RBFOX1: variants seen among roughly 807,000 people sequenced by gnomAD.
The protein encoded by RBFOX1 is RNA binding fox-1 homolog 1, also known as RNA binding protein fox-1 homolog 1.
Under a neutral mutation model 57.7 loss-of-function variants are expected in RBFOX1, and 8 were observed. The observed-to-expected ratio is 0.14, with a 90% CI of 0.08 to 0.25. The LOEUF is 0.25. RBFOX1 is among the 10% of genes least tolerant of loss of function. RBFOX1 has a pLI of 1.00. For synonymous variants in RBFOX1, 326 were observed against 222.4 expected (o/e 1.47, Z -4.15); for missense variants, 611 against 548.5 (o/e 1.11, Z -1.14).
intron 1 of RBFOX1, among the ~76,000 whole-genome samples, chr16:5,256,503 G>A (rs895520470): frequency 1.3e-5 from 2 of 152,234 alleles, no homozygotes; most frequent in African/African-American, 4.8e-5. Context: ...GGACTGCTAG[G>A]AAGGCAAGAT....
At position 5,818,581 on chromosome 16, in the gene RBFOX1, C is replaced by G. The variant is rs145497712; in HGVS notation, c.319-48722C>G. Among the ~76,000 whole-genome samples, 11 of 152,310 alleles carry G rather than the reference C, an allele frequency of 7.2e-5. No homozygotes were observed. In the East Asian group the frequency reaches 1.9e-3, roughly 27 times the overall value. On this transcript the variant is annotated intron_variant, in intron 3 of 19. Coordinates refer to the RBFOX1 transcript ENST00000641259. ...GAGATGGTCTAAGTCCATTAATAAGCATTTTTTGAACAATATTTACTTTGT... is the reference window on the plus strand; with the variant it reads ...GAGATGGTCTAAGTCCATTAATAAGGATTTTTTGAACAATATTTACTTTGT...
intron 1 of RBFOX1, among the ~76,000 whole-genome samples, chr16:6,124,012 T>G (rs1042814473): frequency 6.6e-6 from 1 of 152,180 alleles, no homozygotes; most frequent in Non-Finnish European, 1.5e-5. Flanking sequence ...GCCACAAAGG[T>G]TCATTCCCTT....
At chr16:5,628,978 G>A (rs1001170869) in intron 3 of RBFOX1, among the ~76,000 whole-genome samples, 2 of 152,172 alleles carry the variant, frequency 1.3e-5, no homozygotes, top group Non-Finnish European at 2.9e-5. Flanking sequence ...TGTCAACAGA[G>A]TAAACTGTGA....
intron 4 of RBFOX1, among the ~76,000 whole-genome samples, chr16:7,385,958 A>T (rs1028695565): frequency 4.2e-5 from 6 of 142,158 alleles, no homozygotes; most frequent in South Asian, 2.2e-4. Flanking sequence ...TTATTTATTT[A>T]TTTTTTATTT....
intron 3 of RBFOX1, among the ~76,000 whole-genome samples, chr16:5,735,955 G>T (rs2052555051): frequency 6.6e-6 from 1 of 152,168 alleles, no homozygotes; most frequent in Non-Finnish European, 1.5e-5. Flanking sequence ...ATGGGAGGAA[G>T]GCGCGGGTAG....
chr16:6,494,629 G>C (rs182095325), intron 2 of RBFOX1, among the ~76,000 whole-genome samples: 1 of 152,214 alleles, frequency 6.6e-6, no homozygotes. Context: ...ACATAAAGCT[G>C]TCTTGAACAT....
chr16:7,289,772 T>G (rs1415464424), intron 4 of RBFOX1, among the ~76,000 whole-genome samples: 1 of 152,190 alleles, frequency 6.6e-6, no homozygotes, highest in African/African-American at 2.4e-5. Flanking sequence ...CTATCAAATT[T>G]AGTCTTGTGA....
intron 4 of RBFOX1, among the ~76,000 whole-genome samples, chr16:7,101,528 C>T (rs1567260085): frequency 6.6e-6 from 1 of 152,024 alleles, no homozygotes; most frequent in African/African-American, 2.4e-5. Context: ...TGTATCCAAC[C>T]AAAAGCATTC....
At chr16:6,461,113 G>A (rs868842381) in intron 2 of RBFOX1, among the ~76,000 whole-genome samples, 1 of 152,118 alleles carries the variant, frequency 6.6e-6, no homozygotes. Context: ...GGAGAGGGTG[G>A]GGGGAAGAAA....
rs1219889774 is a variant in RBFOX1, at chr16:7,711,871, T to A, written c.*1126T>A. The A allele has an allele frequency of 6.6e-6, 1 of 152,630 alleles. No homozygotes were observed. The highest frequency in any genetic ancestry group is 2.4e-5 in the African/African-American group (1 of 41,458). 9.5% of individuals were successfully genotyped at this position (152,630 alleles called of 1,614,324 possible). ...AATCATGGTATTTTCATCAGCTTGGTACTTTTTGAAACGTGACTGCGTTGT... is the reference window on the plus strand; with the variant it reads ...AATCATGGTATTTTCATCAGCTTGGAACTTTTTGAAACGTGACTGCGTTGT... On this transcript the variant is annotated 3_prime_UTR_variant, in exon 16 of 16. Transcript: ENST00000550418.
intron 4 of RBFOX1, among the ~76,000 whole-genome samples, chr16:7,469,630 C>G (rs2061193721): frequency 6.6e-6 from 1 of 152,162 alleles, no homozygotes; most frequent in African/African-American, 2.4e-5. Flanking sequence ...ACTCCGTTTC[C>G]TCTCTTCTTA....
chr16:6,658,936 GTTTTTTTTGT>G (rs2098681830), intron 3 of RBFOX1, among the ~76,000 whole-genome samples: 2 of 108,486 alleles, frequency 1.8e-5, no homozygotes, highest in Admixed American at 2.0e-4. Context: ...TGGTTTTTTT[GTTTTTTTTGT>G]TTTTTTTTTT....
chr16:5,921,156 A>G (rs769767818), intron 4 of RBFOX1, among the ~76,000 whole-genome samples: 4 of 152,236 alleles, frequency 2.6e-5, no homozygotes, highest in Non-Finnish European at 4.4e-5. Context: ...AGAGAATGCT[A>G]AGGCCATAGA....
intron 1 of RBFOX1, among the ~76,000 whole-genome samples, chr16:5,424,831 C>CTCTTTCTT (rs71404520): frequency 1.2e-4 from 17 of 145,830 alleles, no homozygotes; most frequent in African/African-American, 4.4e-4. Context: ...CTCCTCTCCT[C>CTCTTTCTT]TCTTTCTTTC....
At chr16:6,664,972 G>GT (rs1401901285) in intron 3 of RBFOX1, among the ~76,000 whole-genome samples, 1 of 152,190 alleles carries the variant, frequency 6.6e-6, no homozygotes, top group East Asian at 1.9e-4. Context: ...CCCATGCACT[G>GT]TTCTTGTGTG....
At chr16:7,020,634 G>C (rs2038728221) in intron 3 of RBFOX1, among the ~76,000 whole-genome samples, 1 of 152,166 alleles carries the variant, frequency 6.6e-6, no homozygotes, top group Non-Finnish European at 1.5e-5. Flanking sequence ...CACATAAAGA[G>C]TGATGAACTT....
chr16:7,376,975 C>G (rs943657086), intron 4 of RBFOX1, among the ~76,000 whole-genome samples: 5 of 152,120 alleles, frequency 3.3e-5, no homozygotes, highest in Non-Finnish European at 7.3e-5. Flanking sequence ...TTGTATGTCC[C>G]TAAGTGTCAG....
chr16:5,333,438 T>G (rs1195374814), intron 1 of RBFOX1, among the ~76,000 whole-genome samples: 1 of 24,074 alleles, frequency 4.2e-5, no homozygotes, highest in East Asian at 0.12. Flanking sequence ...ATTTTCTACC[T>G]GGCCCTTAAT....
intron 2 of RBFOX1, among the ~76,000 whole-genome samples, chr16:5,582,313 C>T (rs148547485): frequency 8.5e-5 from 13 of 152,236 alleles, no homozygotes; most frequent in East Asian, 1.9e-4. Context: ...TGCAGTGACA[C>T]GGCTTAGCGA....
Sources: allele counts gnomAD v4.1 joint callset (sites outside exome capture counted in the v4.1 genomes callset), GRCh38; gene constraint gnomAD v4.1.1; transcripts MANE v1.5; gene names NCBI Gene and HGNC (gene_info 2026-07-23, HGNC 2026-07-21).